The following KDM4B variants were observed in gnomAD, a reference collection of about 807,000 sequenced individuals.
The protein encoded by KDM4B is lysine demethylase 4B, also known as lysine-specific demethylase 4B.
In KDM4B, 32 loss-of-function variants were observed where a neutral mutation model predicts 125.2. The ratio of observed to expected loss-of-function variants is 0.26; its 90% CI spans 0.19 to 0.34. The LOEUF is 0.34. Among genes scored for constraint, KDM4B ranks in the 10% least tolerant of loss-of-function variants. The pLI is 1.00. For synonymous variants in KDM4B, 721 were observed against 677.9 expected, an observed-to-expected ratio of 1.06 and a Z score of -0.99; for missense variants, 1,190 against 1,577.7, an observed-to-expected ratio of 0.75 and a Z score of 4.16.
At chr19:5,028,982 C>T (rs992863339) in intron 2 of KDM4B, among the ~76,000 whole-genome samples, 1 of 152,362 alleles carries the variant, frequency 6.6e-6, no homozygotes, top group Admixed American at 6.5e-5. Flanking sequence ...GCAATCTTGG[C>T]TCACTGCAAC....
rs1239283603 is a variant in KDM4B, at chr19:5,055,493, A to G, written c.626+7824A>G. Among the ~76,000 whole-genome samples, 3 of 152,196 alleles carry G rather than the reference A, an allele frequency of 2.0e-5. No individual in the cohort carries two copies. The East Asian group carries it at 5.8e-4, about 29-fold the overall frequency. The stretch of plus-strand genomic sequence containing the variant: ...GGTCGATTGCCCTGTGTGTGTCTGG[A>G]CAGCAGGCACCGTTGCCCATGGATT... On this transcript the variant is annotated intron_variant, in intron 6 of 22. Transcript: ENST00000159111.
chr19:5,103,734 A>G (rs1309474042), intron 9 of KDM4B, among the ~76,000 whole-genome samples: 1 of 152,178 alleles, frequency 6.6e-6, no homozygotes, highest in Admixed American at 6.5e-5. Flanking sequence ...GTGGAGACTC[A>G]TGTTAGCCAT....
chr19:5,054,043 C>T (rs886819748), intron 6 of KDM4B, among the ~76,000 whole-genome samples: 1 of 152,232 alleles, frequency 6.6e-6, no homozygotes, highest in Non-Finnish European at 1.5e-5. Flanking sequence ...GTTCTTTATT[C>T]CTGTGCGTGA....
At chr19:5,073,360 G>T (rs1332389103) in intron 7 of KDM4B, among the ~76,000 whole-genome samples, 4 of 152,372 alleles carry the variant, frequency 2.6e-5, no homozygotes, top group African/African-American at 9.6e-5. Flanking sequence ...GGCGCAGCCT[G>T]GGGAGAGCCA....
chr19:5,064,892 C>G (rs1049447271), intron 6 of KDM4B, among the ~76,000 whole-genome samples: 1 of 152,222 alleles, frequency 6.6e-6, no homozygotes, highest in Admixed American at 6.5e-5. Context: ...GACTTTGCCC[C>G]GATCTCGGGT....
intron 1 of KDM4B, among the ~76,000 whole-genome samples, chr19:4,996,637 G>A (rs2035209966): frequency 6.6e-6 from 1 of 152,028 alleles, no homozygotes; most frequent in Non-Finnish European, 1.5e-5. Flanking sequence ...GAGGTGGTCT[G>A]AATTTGTGCC....
At chr19:5,137,116 T>G in intron 15 of KDM4B, 146 bp from the exon 16 acceptor site, 1 of 631,540 alleles carries the variant, frequency 1.6e-6, no homozygotes, top group Non-Finnish European at 2.9e-6. Flanking sequence ...GCACGCACCC[T>G]GAATGCTGCA....
intron 1 of KDM4B, among the ~76,000 whole-genome samples, chr19:4,998,233 C>T (rs1284665450): frequency 1.3e-5 from 2 of 152,210 alleles, no homozygotes; most frequent in Non-Finnish European, 2.9e-5. Flanking sequence ...AGGTGGGCTG[C>T]ACCTCCCTTT....
intron 5 of KDM4B, chr19:5,047,248 G>A: frequency 5.9e-6 from 3 of 512,530 alleles, no homozygotes; most frequent in Non-Finnish European, 1.0e-5. Flanking sequence ...AGGCTGCAGT[G>A]AGCTATGATT....
intron 8 of KDM4B, chr19:5,077,748 G>A (rs1021080652): frequency 3.7e-5 from 15 of 410,526 alleles, no homozygotes; most frequent in Non-Finnish European, 5.3e-5. Context: ...AGGCCCCTCC[G>A]CAGGGGCTGC....
chr19:5,056,882 G>GTC (rs2037414872), intron 6 of KDM4B, among the ~76,000 whole-genome samples: 2 of 143,592 alleles, frequency 1.4e-5, no homozygotes, highest in African/African-American at 5.2e-5. Context: ...GGGCGGGGAC[G>GTC]CTGGGGCGGG....
At chr19:5,058,069 G>T (rs891106684) in intron 6 of KDM4B, among the ~76,000 whole-genome samples, 1 of 152,222 alleles carries the variant, frequency 6.6e-6, no homozygotes, top group Non-Finnish European at 1.5e-5. Flanking sequence ...ACCCAGTCAC[G>T]TGGCCACACC....
chr19:5,066,385 G>A (rs2037770021), intron 6 of KDM4B, among the ~76,000 whole-genome samples: 1 of 151,810 alleles, frequency 6.6e-6, no homozygotes, highest in Non-Finnish European at 1.5e-5. Flanking sequence ...CCTTGTTGGC[G>A]CCTCACATGT....
intron 1 of KDM4B, among the ~76,000 whole-genome samples, chr19:4,972,950 C>T (rs150216984): frequency 2.0e-5 from 3 of 152,080 alleles, no homozygotes; most frequent in South Asian, 2.1e-4. Context: ...CTCTGAGCTC[C>T]GGGTCTTCCT....
In KDM4B at chr19:5,082,999, G is replaced by A. The variant is rs557207624; in HGVS notation, c.918+495G>A. ...CTCCCTCCCTGCTCCCCTGTCAGTGGCAGTCCCCCAGCTCCCAGTGCCTGG... is the reference window on the plus strand; with the variant it reads ...CTCCCTCCCTGCTCCCCTGTCAGTGACAGTCCCCCAGCTCCCAGTGCCTGG... On this transcript the variant is annotated intron_variant, in intron 9 of 22. Transcript: ENST00000159111. The surrounding 1 kb of genome is among the most constrained non-coding windows in gnomAD (Gnocchi z 5.4). Among the ~76,000 whole-genome samples the A allele has an allele frequency of 3.2e-3, 485 of 152,266 alleles. 4 individuals carry two copies. The highest frequency in any genetic ancestry group is 7.7e-3 in the African/African-American group (322 of 41,564).
chr19:5,149,598 C>A (rs185438971), intron 21 of KDM4B, among the ~76,000 whole-genome samples: 3 of 152,340 alleles, frequency 2.0e-5, no homozygotes, highest in Admixed American at 2.0e-4. Flanking sequence ...CGGCGCCCAT[C>A]GCAGTTATGA....
intron 9 of KDM4B, among the ~76,000 whole-genome samples, chr19:5,091,529 G>C (rs914582573): frequency 1.3e-5 from 2 of 152,124 alleles, no homozygotes; most frequent in Admixed American, 1.3e-4. Flanking sequence ...CCACCTCCCC[G>C]CATCCAGGCT....
intron 1 of KDM4B, among the ~76,000 whole-genome samples, chr19:5,008,591 C>CTTTTT (rs550611814): frequency 3.7e-5 from 5 of 135,542 alleles, no homozygotes; most frequent in Non-Finnish European, 6.4e-5. Flanking sequence ...TTTTCTTTTT[C>CTTTTT]TTTTTTTTTT....
chr19:5,111,835 G>A (rs772520654), intron 10 of KDM4B: 21 of 764,846 alleles, frequency 2.7e-5, no homozygotes, highest in Non-Finnish European at 3.8e-5. Flanking sequence ...CCTTGCAGAT[G>A]ATAGACAGCG....
Sources: gnomAD v4.1 joint callset for allele counts (sites outside exome capture counted in the v4.1 genomes callset) on GRCh38, gnomAD v4.1.1 for gene constraint, Gnocchi (gnomAD v3.1) non-coding constraint, MANE v1.5 for transcripts, NCBI Gene and HGNC (gene_info 2026-07-23, HGNC 2026-07-21) for gene names.